The following TLN2 variants were observed in gnomAD, a reference collection of about 807,000 sequenced individuals.
TLN2 encodes talin 2, also known as talin-2.
TLN2 carries 118 observed loss-of-function variants against 294.7 expected under a neutral mutation model. The ratio of observed to expected loss-of-function variants is 0.40; its 90% CI spans 0.34 to 0.47. The LOEUF is 0.47. TLN2 is among the 20% of genes least tolerant of loss of function. The pLI, the probability that TLN2 is intolerant of heterozygous loss-of-function variation, is 0.84. For missense variants in TLN2, 3,083 were observed against 3,282.2 expected (o/e 0.94, Z 1.48); for synonymous variants, 1,431 against 1,304.5 (o/e 1.10, Z -2.09).
rs376594303 is a variant in TLN2 at position 62,702,116 on chromosome 15, C to T, written c.1821C>T (p.Ser607=). 78 of 1,614,048 alleles carry T rather than the reference C, an allele frequency of 4.8e-5. No individual in the cohort carries two copies. The highest frequency in any genetic ancestry group is 6.3e-5 in the Non-Finnish European group (74 of 1,180,008). ...LAALMDDEVG[S]GEDLLRAART... is the part of the protein sequence containing the mutation. ...CCCTCATGGATGATGAGGTGGGCAG[C>T]GGGGAGGACTTGCTCAGAGCTGCCA... Residue 607 remains serine, a synonymous_variant, in exon 18 of 59, where the codon AGC becomes AGT. Transcript: ENST00000636159.
chr15:62,826,327 G>C (rs900205551), intron 54 of TLN2, among the ~76,000 whole-genome samples: 1 of 152,174 alleles, frequency 6.6e-6, no homozygotes, highest in African/African-American at 2.4e-5. Context: ...AATCATGCAG[G>C]TGCGGACCTT....
intron 1 of TLN2, among the ~76,000 whole-genome samples, chr15:62,526,581 T>C (rs916456771): frequency 2.6e-5 from 4 of 152,256 alleles, no homozygotes; most frequent in Middle Eastern, 3.4e-3. Context: ...CAGGGGCCCT[T>C]CCCTCAGCAG....
In TLN2 at chr15:62,722,383, G is replaced by C; in HGVS notation, c.3022G>C (p.Ala1008Pro). Residue 1008 changes from alanine to proline, a missense_variant, in exon 26 of 59, where the codon GCC (alanine) becomes CCC (proline). Ala to Pro is a conservative substitution (Grantham distance 27, BLOSUM62 -1). Transcript: ENST00000636159. ...AAGCAAGATGGTGTCCTCTGCCAAA[G>C]CCGCAGTGCCCACCGTGAGTGACCA... ...PGSKMVSSAK[A>P]AVPTVSDQAA... The C allele has an allele frequency of 6.2e-7, 1 of 1,612,722 alleles. No individual in the cohort carries two copies. Among genetic ancestry groups the C allele is most frequent in the Non-Finnish European group, 8.5e-7 (1 of 1,179,020 alleles).
chr15:62,572,395 C>T (rs2043952525), intron 1 of TLN2, among the ~76,000 whole-genome samples: 1 of 152,106 alleles, frequency 6.6e-6, no homozygotes, highest in African/African-American at 2.4e-5. Flanking sequence ...TGTGTGCCAC[C>T]ACACCCAGCT....
chr15:62,622,178 G>C (rs1436338811), intron 3 of TLN2, among the ~76,000 whole-genome samples: 5 of 151,694 alleles, frequency 3.3e-5, no homozygotes, highest in African/African-American at 1.2e-4. Context: ...TTATTAATGT[G>C]CAAATTATTA....
chr15:62,580,791 A>T (rs1322809344), intron 1 of TLN2, among the ~76,000 whole-genome samples: 1 of 152,048 alleles, frequency 6.6e-6, no homozygotes, highest in Non-Finnish European at 1.5e-5. Flanking sequence ...AGTATCATGC[A>T]AAGTAGTTTC....
At chr15:62,510,986 A>ATT (rs1223317916) in intron 1 of TLN2, among the ~76,000 whole-genome samples, 6 of 152,308 alleles carry the variant, frequency 3.9e-5, no homozygotes, top group African/African-American at 1.4e-4. Flanking sequence ...TTTGACAAGA[A>ATT]CGTCTTACAA....
intron 1 of TLN2, among the ~76,000 whole-genome samples, chr15:62,573,156 G>GCTACCC (rs1303962565): frequency 2.0e-5 from 3 of 152,090 alleles, no homozygotes; most frequent in Non-Finnish European, 2.9e-5. Context: ...CCCCAGAAAT[G>GCTACCC]CTACCCCCTT....
chr15:62,761,218 T>C (rs1157608968), intron 37 of TLN2, among the ~76,000 whole-genome samples: 1 of 152,204 alleles, frequency 6.6e-6, no homozygotes, highest in Non-Finnish European at 1.5e-5. Flanking sequence ...AGGTAAAACT[T>C]AGAAAAAGTT....
intron 42 of TLN2, among the ~76,000 whole-genome samples, chr15:62,771,892 G>A (rs1478355398): frequency 1.3e-5 from 2 of 152,182 alleles, no homozygotes; most frequent in African/African-American, 4.8e-5. Context: ...GCAGGGGAAT[G>A]GCACAACCAG....
In TLN2 at chr15:62,526,794, G is replaced by A. The variant is rs796815372; in HGVS notation, c.-237-62893G>A. Among the ~76,000 whole-genome samples, 7 of 152,238 alleles carry A rather than the reference G, an allele frequency of 4.6e-5. No individual in the cohort carries two copies. In the South Asian group the frequency reaches 1.2e-3, roughly 27 times the overall value. On this transcript the variant is annotated intron_variant, in intron 1 of 58. Transcript: ENST00000636159. ...AATATTCTTTATTTCCATGTGAGAG[G>A]TAATGTAGGGGTTATAGATGCCAGC...
chr15:62,447,684 A>C (rs2140315051), intron 1 of TLN2, among the ~76,000 whole-genome samples: 1 of 151,966 alleles, frequency 6.6e-6, no homozygotes, highest in African/African-American at 2.4e-5. Flanking sequence ...TAGTAGAGAC[A>C]GGGTTTCACT....
intron 12 of TLN2, among the ~76,000 whole-genome samples, chr15:62,688,166 T>C (rs1321500610): frequency 6.6e-6 from 1 of 152,192 alleles, no homozygotes; most frequent in Non-Finnish European, 1.5e-5. Context: ...TGAATAGTTA[T>C]GATAACCTCA....
chr15:62,648,544 GA>G (rs1328771606), intron 4 of TLN2, among the ~76,000 whole-genome samples: 1 of 92,152 alleles, frequency 1.1e-5, no homozygotes, highest in African/African-American at 3.9e-5. Flanking sequence ...TGATGATGAC[GA>G]TTTTTTTTTT....
intron 25 of TLN2, among the ~76,000 whole-genome samples, chr15:62,720,650 TGTG>T (rs926172162): frequency 9.4e-5 from 1 of 10,626 alleles, no homozygotes; most frequent in African/African-American, 1.2e-4. Context: ...ACAACACAGG[TGTG>T]TGTGTGTGTG....
At chr15:62,522,969 CA>C (rs2040541361) in intron 1 of TLN2, among the ~76,000 whole-genome samples, 1 of 142,272 alleles carries the variant, frequency 7.0e-6, no homozygotes, top group Non-Finnish European at 1.5e-5. Context: ...CACACACACA[CA>C]CACACACACT....
At chr15:62,711,111 T>C (rs544598314) in intron 21 of TLN2, among the ~76,000 whole-genome samples, 1 of 152,296 alleles carries the variant, frequency 6.6e-6, no homozygotes, top group South Asian at 2.1e-4. Flanking sequence ...AAAGCTTTCT[T>C]CTTCCCCCTT....
At chr15:62,807,445 C>G (rs978702147) in intron 51 of TLN2, among the ~76,000 whole-genome samples, 4 of 152,178 alleles carry the variant, frequency 2.6e-5, no homozygotes, top group African/African-American at 9.7e-5. Flanking sequence ...AATTAGCTCT[C>G]CTGATTTCTC....
Position 62,432,911 on chromosome 15 carries a change from G to A in TLN2, c.-238+42226G>A, listed in dbSNP as rs767568309. ...AAGTGTCTGTGCCCTATTTTCCTAC[G>A]AGCCAAGGAGAAGCCCTTGCCAGGC... On this transcript the variant is annotated intron_variant, in intron 1 of 58. Coordinates refer to ENST00000636159, the MANE Select transcript of TLN2 (RefSeq NM_015059.3). Among the ~76,000 whole-genome samples the A allele has an allele frequency of 1.1e-4, 16 of 152,112 alleles. 1 individual carries two copies. Among genetic ancestry groups the A allele is most frequent in the Middle Eastern group, 3.4e-3 (1 of 294 alleles).
Sources: gnomAD v4.1 joint callset for allele counts (sites outside exome capture counted in the v4.1 genomes callset) on GRCh38, gnomAD v4.1.1 for gene constraint, MANE v1.5 for transcripts, NCBI Gene and HGNC (gene_info 2026-07-23, HGNC 2026-07-21) for gene names.